The following ZNF469 variants were observed in gnomAD, a reference collection of about 807,000 sequenced individuals.
ZNF469 encodes the protein zinc finger protein 469.
Under a neutral mutation model 1.0 loss-of-function variants are expected in ZNF469, and 1 was observed. The ratio of observed to expected loss-of-function variants is 1.00; its 90% CI spans 0.35 to 4.73. The LOEUF (loss-of-function observed/expected upper bound fraction) is 4.73, where lower values mean the gene tolerates loss of function less well. ZNF469 is among the 30% of genes most tolerant of loss of function. The pLI is 0.16. For missense variants in ZNF469, 6,100 were observed against 5,356.3 expected, an observed-to-expected ratio of 1.14 and a Z score of -4.33; for synonymous variants, 2,703 against 2,363.4, an observed-to-expected ratio of 1.14 and a Z score of -4.17.
the ZNF469 span, among the ~76,000 whole-genome samples, chr16:88,326,734 G>C: frequency 6.6e-6 from 1 of 152,168 alleles, no homozygotes; most frequent in Non-Finnish European, 1.5e-5. Context: ...GCACCTTAGA[G>C]ACCTTCCAGA....
the ZNF469 span, among the ~76,000 whole-genome samples, chr16:88,142,411 C>G: frequency 6.6e-6 from 1 of 152,224 alleles, no homozygotes; most frequent in African/African-American, 2.4e-5. Flanking sequence ...GAGGGTTATC[C>G]TGAGGCTCGA....
At chr16:88,401,853 A>C (rs1407571872) in intron 1 of ZNF469, among the ~76,000 whole-genome samples, 2 of 140,742 alleles carry the variant, frequency 1.4e-5, no homozygotes, top group African/African-American at 5.3e-5. Context: ...GATGGATACA[A>C]GGGTGGAGGA....
At chr16:88,146,430 C>G in the ZNF469 span, among the ~76,000 whole-genome samples, 2 of 152,258 alleles carry the variant, frequency 1.3e-5, no homozygotes, top group African/African-American at 4.8e-5. Flanking sequence ...GTGGCTGGAA[C>G]CTTCTTCCCT....
intron 1 of ZNF469, among the ~76,000 whole-genome samples, chr16:88,412,853 A>C (rs1269502745): frequency 6.6e-6 from 1 of 151,928 alleles, no homozygotes; most frequent in Non-Finnish European, 1.5e-5. Context: ...AAATGGGGAG[A>C]TTTCACTTTA....
At chr16:88,292,081 C>T in the ZNF469 span, among the ~76,000 whole-genome samples, 13 of 152,098 alleles carry the variant, frequency 8.5e-5, no homozygotes, top group African/African-American at 2.9e-4. Flanking sequence ...TCTGGATATG[C>T]GGGTCACAAT....
chr16:88,286,079 A>G, the ZNF469 span, among the ~76,000 whole-genome samples: 21 of 152,218 alleles, frequency 1.4e-4, no homozygotes, highest in Non-Finnish European at 3.1e-4. Flanking sequence ...CGGTGCCTCC[A>G]TCGTGCCCCA....
At chr16:88,293,890 C>G in the ZNF469 span, among the ~76,000 whole-genome samples, 11 of 152,280 alleles carry the variant, frequency 7.2e-5, no homozygotes, top group Non-Finnish European at 1.6e-4. Context: ...CGGTCTCTCT[C>G]CTAAGGCACA....
At chr16:88,412,035 T>C (rs1905181982) in intron 1 of ZNF469, among the ~76,000 whole-genome samples, 1 of 418 alleles carries the variant, frequency 2.4e-3, no homozygotes, top group African/African-American at 0.02. Context: ...CGCCTCTGTC[T>C]CCTGCCAGAG....
chr16:88,405,750 G>A (rs995302275), intron 1 of ZNF469, among the ~76,000 whole-genome samples: 1 of 152,194 alleles, frequency 6.6e-6, no homozygotes, highest in East Asian at 1.9e-4. Flanking sequence ...CCTCGGTGGG[G>A]CCACAGCGTC....
At chr16:88,388,710 C>T (rs1319319366) in intron 1 of ZNF469, among the ~76,000 whole-genome samples, 2 of 152,144 alleles carry the variant, frequency 1.3e-5, no homozygotes, top group Non-Finnish European at 2.9e-5. Flanking sequence ...GAGCCTGATG[C>T]CAGGGCCAGT....
chr16:88,248,444 G>T, the ZNF469 span, among the ~76,000 whole-genome samples: 1 of 152,238 alleles, frequency 6.6e-6, no homozygotes, highest in East Asian at 1.9e-4. Flanking sequence ...AGGCACAGTG[G>T]CTCATGCTTG....
At chr16:88,303,778 G>T in the ZNF469 span, among the ~76,000 whole-genome samples, 1 of 152,208 alleles carries the variant, frequency 6.6e-6, no homozygotes, top group African/African-American at 2.4e-5. Context: ...CTGCTAAGGG[G>T]TGGGCTCCTC....
At chr16:88,394,356 AGT>A (rs1179411839) in intron 1 of ZNF469, among the ~76,000 whole-genome samples, 1 of 151,594 alleles carries the variant, frequency 6.6e-6, no homozygotes, top group Non-Finnish European at 1.5e-5. Context: ...TCAGGTGCTC[AGT>A]GGCTTCAGAT....
chr16:88,175,039 G>T, the ZNF469 span, among the ~76,000 whole-genome samples: 2 of 152,060 alleles, frequency 1.3e-5, no homozygotes, highest in Non-Finnish European at 2.9e-5. Flanking sequence ...ACACAAGCTG[G>T]AGCTGTTGTT....
chr16:88,153,730 C>G, the ZNF469 span, among the ~76,000 whole-genome samples: 1 of 152,226 alleles, frequency 6.6e-6, no homozygotes, highest in African/African-American at 2.4e-5. Context: ...GTCAAGGGCC[C>G]TACAGAGTTG....
Position 88,436,024 on chromosome 16 carries a change from T to C in ZNF469, c.8554T>C (p.Leu2852=), listed in dbSNP as rs1235131911. 1.3e-6 allele frequency: 2 copies of C among 1,550,154 alleles called. No homozygotes were observed. Among genetic ancestry groups the C allele is most frequent in the Non-Finnish European group, 1.7e-6 (2 of 1,146,984 alleles). Residue 2852 remains leucine (L), a synonymous_variant, in exon 3 of 3, where the codon TTG becomes CTG. Coordinates refer to ENST00000565624, the MANE Select transcript of ZNF469 (RefSeq NM_001367624.2). Reference sequence around the variant, plus strand: ...CTCCAGTGCCAAGGATCCTCCAAGCTTGTTTGATGATGAGGTCTCTTTCTC... The same window carrying C: ...CTCCAGTGCCAAGGATCCTCCAAGCCTGTTTGATGATGAGGTCTCTTTCTC... ...SGSSAKDPPS[L]FDDEVSFSQL...
At position 88,428,314 on chromosome 16, in the gene ZNF469, G is replaced by A. The variant is rs1443113823; in HGVS notation, c.844G>A (p.Gly282Arg). 6.5e-7 allele frequency: 1 copy of A among 1,550,102 alleles called. No homozygotes were observed. Among genetic ancestry groups the A allele is most frequent in the East Asian group, 2.4e-5 (1 of 40,904 alleles). ...SFQFPFPALHGASTKPFPADV... is the reference protein window; with the variant it reads ...SFQFPFPALHRASTKPFPADV... The stretch of plus-strand genomic sequence containing the variant: ...CCAGTTCCCCTTCCCGGCACTGCAT[G>A]GGGCCAGCACAAAACCCTTCCCTGC... The change falls in exon 3 of 3, where the codon GGG becomes AGG. Residue 282 changes from glycine (G) to arginine (R), a missense_variant. Gly to Arg is a moderately radical substitution (Grantham distance 125). Transcript: ENST00000565624.
At chr16:88,162,428 A>G in the ZNF469 span, among the ~76,000 whole-genome samples, 2 of 151,658 alleles carry the variant, frequency 1.3e-5, no homozygotes, top group Non-Finnish European at 2.9e-5. Context: ...GAAGACTGAA[A>G]TGAAGTTTGT....
chr16:88,166,299 C>G, the ZNF469 span, among the ~76,000 whole-genome samples: 1 of 152,322 alleles, frequency 6.6e-6, no homozygotes, highest in East Asian at 1.9e-4. This position sits in a 1 kb window ranked among gnomAD's most constrained non-coding sequence, Gnocchi z 4.5. Flanking sequence ...CTTTCCTTCC[C>G]TCCATCCATC....
Sources: gnomAD v4.1 joint callset for allele counts (sites outside exome capture counted in the v4.1 genomes callset) on GRCh38, gnomAD v4.1.1 for gene constraint, Gnocchi (gnomAD v3.1) non-coding constraint, MANE v1.5 for transcripts, NCBI Gene and HGNC (gene_info 2026-07-23, HGNC 2026-07-21) for gene names.